The following EPHA7 variants were observed in gnomAD, a reference collection of about 807,000 sequenced individuals.
The protein encoded by EPHA7 is EPH receptor A7.
Under a neutral mutation model 112.6 loss-of-function variants are expected in EPHA7, and 25 were observed. The ratio of observed to expected loss-of-function variants is 0.22; its 90% CI spans 0.16 to 0.31. EPHA7 has a LOEUF of 0.31. EPHA7 is among the 10% of genes least tolerant of loss of function. The pLI is 1.00. For missense variants in EPHA7, 962 were observed against 1,212.6 expected, an observed-to-expected ratio of 0.79 and a Z score of 3.07; for synonymous variants, 437 against 406.5, an observed-to-expected ratio of 1.07 and a Z score of -0.90.
intron 5 of EPHA7, among the ~76,000 whole-genome samples, chr6:93,345,668 T>C (rs1284892468): frequency 6.6e-6 from 1 of 151,736 alleles, no homozygotes; most frequent in Admixed American, 6.6e-5. Flanking sequence ...ACAGTTAAAA[T>C]TCAAACAAGT....
rs1247888517 is a variant in EPHA7, at chr6:93,314,875, T to TG, written c.1324+41841_1324+41842insC. ...ATAATTTTCTTTTTTTTTTTTTTTT[T>TG]TTTTTGAGACGGAGTCTCGCTCTGT... On this transcript the variant is annotated intron_variant, in intron 5 of 16. Coordinates refer to ENST00000369303, the MANE Select transcript of EPHA7 (RefSeq NM_004440.4). Among the ~76,000 whole-genome samples, 4 of 142,630 alleles carry TG rather than the reference T, an allele frequency of 2.8e-5. No individual in the cohort carries two copies. In the East Asian group the frequency reaches 8.0e-4, roughly 28 times the overall value. The allele number at this position is 142,630 out of a possible 152,430, so 93.6% of individuals were successfully genotyped here.
chr6:93,303,479 G>A (rs1443086115), intron 5 of EPHA7, among the ~76,000 whole-genome samples: 5 of 151,968 alleles, frequency 3.3e-5, no homozygotes, highest in Admixed American at 2.6e-4. Flanking sequence ...AAGTGCTAAA[G>A]AGAAAAAAAA....
intron 14 of EPHA7, among the ~76,000 whole-genome samples, chr6:93,249,103 T>A (rs1770090781): frequency 6.6e-6 from 1 of 152,162 alleles, no homozygotes; most frequent in South Asian, 2.1e-4. Flanking sequence ...TGGTACTAAA[T>A]GCAATGGAGG....
chr6:93,373,952 T>C (rs1776928105), intron 3 of EPHA7, among the ~76,000 whole-genome samples: 1 of 152,072 alleles, frequency 6.6e-6, no homozygotes, highest in Non-Finnish European at 1.5e-5. Flanking sequence ...TCAATTAATT[T>C]TCAGAGAAAT....
At chr6:93,255,039 A>G (rs1453165428) in intron 13 of EPHA7, among the ~76,000 whole-genome samples, 7 of 152,026 alleles carry the variant, frequency 4.6e-5, no homozygotes, top group Non-Finnish European at 1.0e-4. Flanking sequence ...TTAGGGCAAG[A>G]GTATATTGAA....
intron 5 of EPHA7, among the ~76,000 whole-genome samples, chr6:93,307,197 T>G (rs1041368340): frequency 6.6e-6 from 1 of 151,982 alleles, no homozygotes; most frequent in African/African-American, 2.4e-5. Context: ...ATTCTGTATT[T>G]TTTTAGAAAA....
intron 3 of EPHA7, among the ~76,000 whole-genome samples, chr6:93,378,315 G>T (rs1441769396): frequency 1.3e-5 from 2 of 152,002 alleles, no homozygotes; most frequent in Admixed American, 1.3e-4. Flanking sequence ...CTACTGAAGG[G>T]ATTTTAAAAG....
At chr6:93,349,958 T>C (rs974072339) in intron 5 of EPHA7, among the ~76,000 whole-genome samples, 1 of 151,908 alleles carries the variant, frequency 6.6e-6, no homozygotes, top group African/African-American at 2.4e-5. Flanking sequence ...ATTTTGCTTA[T>C]GTATAATGTT....
Position 93,246,721 on chromosome 6 carries a change from G to C in EPHA7, c.2726+71C>G, listed in dbSNP as rs1769969247. On this transcript the variant is annotated intron_variant, in intron 15 of 16. Transcript: ENST00000369303. ...AAAGTCAATTTGCCATTGTGGTGGGGTGGAGGAGATAAATGGTTTATGTTA... is the reference window on the plus strand; with the variant it reads ...AAAGTCAATTTGCCATTGTGGTGGGCTGGAGGAGATAAATGGTTTATGTTA... 13 of 1,301,748 alleles carry C rather than the reference G, an allele frequency of 1.0e-5. No individual in the cohort carries two copies. In the Admixed American group the frequency reaches 1.5e-4, roughly 15 times the overall value. The allele number at this position is 1,301,748 out of a possible 1,614,324, so 80.6% of individuals were successfully genotyped here. A position where few individuals can be genotyped will look rare whatever the true frequency, so the allele number is the denominator to read the frequency against.
rs1460395859 is a variant in EPHA7 at position 93,257,522 on chromosome 6, C to A, written c.2112G>T (p.Gly704=). 6.2e-7 allele frequency: 1 copy of A among 1,606,066 alleles called. No individual in the cohort carries two copies. Among genetic ancestry groups the A allele is most frequent in the East Asian group, 2.2e-5 (1 of 44,702 alleles). Residue 704 remains glycine (G), a splice_region_variant and synonymous_variant, in exon 12 of 17, where the codon GGG becomes GGT. Transcript: ENST00000369303. ...VVHLEGVVTR[G]KPVMIVIEFM... Reference sequence around the variant, plus strand: ...ACTCTATTACTATCATGACTGGTTTCCCTAAAATTAAAAAAAAAAAGTTTC... The same window carrying A: ...ACTCTATTACTATCATGACTGGTTTACCTAAAATTAAAAAAAAAAAGTTTC...
intron 5 of EPHA7, among the ~76,000 whole-genome samples, chr6:93,281,162 A>G (rs1329639833): frequency 6.6e-6 from 1 of 152,200 alleles, no homozygotes; most frequent in Non-Finnish European, 1.5e-5. Flanking sequence ...TAGCTAGAAA[A>G]GTACATCATC....
intron 3 of EPHA7, among the ~76,000 whole-genome samples, chr6:93,387,238 C>G (rs1282325510): frequency 1.3e-5 from 2 of 152,084 alleles, no homozygotes; most frequent in African/African-American, 4.8e-5. Context: ...CAAAGTTCCA[C>G]CAATCTCTAG....
chr6:93,252,704 T>C (rs1770269032), intron 14 of EPHA7, among the ~76,000 whole-genome samples: 1 of 151,984 alleles, frequency 6.6e-6, no homozygotes, highest in Non-Finnish European at 1.5e-5. Flanking sequence ...ATAAGAAGAA[T>C]ATGAATATCA....
chr6:93,288,510 T>C (rs1259634759), intron 5 of EPHA7, among the ~76,000 whole-genome samples: 2 of 152,212 alleles, frequency 1.3e-5, no homozygotes, highest in Non-Finnish European at 2.9e-5. Context: ...TTTATTAAAA[T>C]CACTGAATTA....
intron 5 of EPHA7, among the ~76,000 whole-genome samples, chr6:93,295,980 C>T (rs747576913): frequency 3.3e-5 from 5 of 151,614 alleles, no homozygotes; most frequent in African/African-American, 4.8e-5. Flanking sequence ...ATATCATATT[C>T]ATATTTAATT....
At chr6:93,272,808 G>GA (rs1301400807) in intron 5 of EPHA7, among the ~76,000 whole-genome samples, 1 of 151,720 alleles carries the variant, frequency 6.6e-6, no homozygotes, top group African/African-American at 2.4e-5. Context: ...CTTTTTAAAA[G>GA]AAAAAATAAT....
chr6:93,325,654 CT>C (rs761633135), intron 5 of EPHA7, among the ~76,000 whole-genome samples: 106 of 151,392 alleles, frequency 7.0e-4, no homozygotes, highest in Non-Finnish European at 1.3e-3. Flanking sequence ...TGAACCACCA[CT>C]TTTCTTGGTA....
Position 93,356,852 on chromosome 6 carries a change from C to T in EPHA7, c.1189G>A (p.Asp397Asn). 1 of 1,614,110 alleles carries T rather than the reference C, an allele frequency of 6.2e-7. No individual in the cohort carries two copies. The highest frequency in any genetic ancestry group is 8.5e-7 in the Non-Finnish European group (1 of 1,180,016). ...GYMPQQTGLEDNYVTVMDLLA... is the reference protein window; with the variant it reads ...GYMPQQTGLENNYVTVMDLLA... Reference sequence around the variant, plus strand: ...AGGTCCATGACAGTGACATAGTTATCCTCTAATCCAGTCTGCTGGGGCATG... The same window carrying T: ...AGGTCCATGACAGTGACATAGTTATTCTCTAATCCAGTCTGCTGGGGCATG... The change falls in exon 5 of 17, where the codon GAT becomes AAT. Residue 397 changes from aspartate to asparagine, a missense_variant. Around this residue, in one of 3 missense-constraint regions of EPHA7, gnomAD observed 746 missense variants for 889.2 expected, o/e 0.84. Coordinates refer to ENST00000369303, the MANE Select transcript of EPHA7 (RefSeq NM_004440.4).
intron 14 of EPHA7, among the ~76,000 whole-genome samples, chr6:93,248,568 C>A (rs1770062568): frequency 6.6e-6 from 1 of 152,022 alleles, no homozygotes; most frequent in African/African-American, 2.4e-5. Context: ...AATTTATCAC[C>A]TCTCTTCCCA....
Sources: allele counts gnomAD v4.1 joint callset (sites outside exome capture counted in the v4.1 genomes callset), GRCh38; gene constraint gnomAD v4.1.1; regional missense constraint gnomAD v4.1.1; transcripts MANE v1.5; gene names NCBI Gene and HGNC (gene_info 2026-07-23, HGNC 2026-07-21).